NFATC1: variants seen among roughly 807,000 people sequenced by gnomAD.
NFATC1 encodes nuclear factor of activated T-cells, cytoplasmic 1.
In NFATC1, 22 loss-of-function variants were observed where a neutral mutation model predicts 76.0. The ratio of observed to expected loss-of-function variants is 0.29; its 90% CI spans 0.21 to 0.41. The LOEUF (loss-of-function observed/expected upper bound fraction) is 0.41. Among genes scored for constraint, NFATC1 ranks in the 10% least tolerant of loss-of-function variants. The probability of loss-of-function intolerance (pLI) is 1.00; values close to 1 mark genes in which losing one functional copy is unlikely to be tolerated. For missense variants in NFATC1, 1,357 were observed against 1,337.7 expected (o/e 1.01, Z -0.23); for synonymous variants, 704 against 613.1 (o/e 1.15, Z -2.19).
chr18:79,513,558 G>A (rs1047991273), intron 9 of NFATC1, among the ~76,000 whole-genome samples: 1 of 152,262 alleles, frequency 6.6e-6, no homozygotes, highest in Non-Finnish European at 1.5e-5. Context: ...GTGGTGGTGA[G>A]GGACACGTGC....
At position 79,483,662 on chromosome 18, in the gene NFATC1, A is replaced by G. The variant is rs571559533; in HGVS notation, c.2093-2586A>G. Among the ~76,000 whole-genome samples the G allele has an allele frequency of 2.6e-3, 295 of 113,668 alleles. 6 individuals carry two copies. The highest frequency in any genetic ancestry group is 3.9e-3 in the African/African-American group (109 of 27,626). The allele number at this position is 113,668 out of a possible 152,430, so 74.6% of individuals were successfully genotyped here. On this transcript the variant is annotated intron_variant, in intron 8 of 9. Coordinates refer to ENST00000427363, the MANE Select transcript of NFATC1 (RefSeq NM_001278669.2). The stretch of plus-strand genomic sequence containing the variant: ...TGACCTGGTCCTGGGGTGTAATTCC[A>G]GCGTGACCTTGTCCTGGGGTGTCAC...
chr18:79,441,060 C>T (rs2086956227), intron 3 of NFATC1, among the ~76,000 whole-genome samples: 1 of 152,250 alleles, frequency 6.6e-6, no homozygotes, highest in Non-Finnish European at 1.5e-5. Context: ...GGGAACAGCA[C>T]AGATGGCCCC....
chr18:79,506,102 A>G (rs1000776462), intron 9 of NFATC1, among the ~76,000 whole-genome samples: 15 of 152,200 alleles, frequency 9.9e-5, no homozygotes, highest in African/African-American at 3.4e-4. Flanking sequence ...GACCCTAGCA[A>G]TGCCACGTGC....
At chr18:79,447,863 GAGA>G (rs1270666698) in intron 3 of NFATC1, among the ~76,000 whole-genome samples, 2 of 152,278 alleles carry the variant, frequency 1.3e-5, no homozygotes, top group Admixed American at 6.5e-5. Context: ...GCGTGGTGCA[GAGA>G]AGGAGGGTGA....
Position 79,410,379 on chromosome 18 carries a change from C to T in NFATC1, c.128-24C>T. The T allele has an allele frequency of 6.3e-7, 1 of 1,581,498 alleles. No homozygotes were observed. The highest frequency in any genetic ancestry group is 8.6e-7 in the Non-Finnish European group (1 of 1,164,234). ...TTGTGATGCCCAGCCCCTCATGCTC[C>T]CATCTGCTTCTTTTTCTCTCTAGAA... On this transcript the variant is annotated intron_variant, in intron 1 of 9. Coordinates refer to ENST00000427363, the MANE Select transcript of NFATC1 (RefSeq NM_001278669.2). The surrounding 1 kb of genome is among the most constrained non-coding windows in gnomAD (Gnocchi z 6.7).
chr18:79,508,731 CTCCA>C (rs1184585745), intron 9 of NFATC1, among the ~76,000 whole-genome samples: 1 of 151,914 alleles, frequency 6.6e-6, no homozygotes, highest in Non-Finnish European at 1.5e-5. Context: ...CTGTCCCTCT[CTCCA>C]TCCATCTCTC....
chr18:79,414,272 G>C (rs964113268), intron 2 of NFATC1, among the ~76,000 whole-genome samples: 11 of 152,334 alleles, frequency 7.2e-5, no homozygotes, highest in African/African-American at 2.4e-4. Context: ...CTAGAAAGCT[G>C]TATTTTTAAT....
At chr18:79,459,981 A>G (rs73494248) in intron 6 of NFATC1, among the ~76,000 whole-genome samples, 6,274 of 152,226 alleles carry the variant, frequency 0.041, 422 homozygotes, top group African/African-American at 0.14. Context: ...TGAAACTCAG[A>G]TGGCTTCAAG....
intron 9 of NFATC1, among the ~76,000 whole-genome samples, chr18:79,522,960 G>A (rs929961236): frequency 1.3e-5 from 2 of 152,252 alleles, no homozygotes; most frequent in Non-Finnish European, 2.9e-5. Context: ...TCAGGGCCCA[G>A]CAGAGCCGGC....
At chr18:79,496,315 G>A (rs1257634618) in intron 9 of NFATC1, 1 of 152,468 alleles carries the variant, frequency 6.6e-6, no homozygotes, top group African/African-American at 2.4e-5. Flanking sequence ...ATGTCGCACT[G>A]ATGTGCTGGG....
chr18:79,421,332 A>G (rs60367979), intron 2 of NFATC1: 49,821 of 152,186 alleles, frequency 0.33, 8,589 homozygotes, highest in African/African-American at 0.42. Flanking sequence ...ACCTGGAATC[A>G]CGAGGAAATG....
At chr18:79,516,306 C>G (rs752483996) in intron 9 of NFATC1, among the ~76,000 whole-genome samples, 1 of 152,116 alleles carries the variant, frequency 6.6e-6, no homozygotes, top group Non-Finnish European at 1.5e-5. Context: ...GTGGCGGTGG[C>G]TTATTGCGAT....
chr18:79,459,112 C>G (rs980979546), intron 6 of NFATC1, among the ~76,000 whole-genome samples: 1 of 152,220 alleles, frequency 6.6e-6, no homozygotes, highest in Admixed American at 6.5e-5. Context: ...TTTGTCGGTT[C>G]CCCGCACTTT....
chr18:79,399,282 T>C (rs1281686838), intron 1 of NFATC1, among the ~76,000 whole-genome samples: 1 of 152,144 alleles, frequency 6.6e-6, no homozygotes, highest in Non-Finnish European at 1.5e-5. Flanking sequence ...AGTGAAAGGG[T>C]CGCGGGAGAA....
intron 2 of NFATC1, among the ~76,000 whole-genome samples, chr18:79,429,794 A>C (rs961010844): frequency 3.3e-5 from 5 of 152,378 alleles, no homozygotes; most frequent in South Asian, 2.1e-4. Context: ...GCTGTAAGCC[A>C]TGCACACACT....
At chr18:79,450,824 G>A in intron 4 of NFATC1, 130 bp from the exon 5 acceptor site, 1 of 1,167,952 alleles carries the variant, frequency 8.6e-7, no homozygotes, top group South Asian at 1.5e-5. Flanking sequence ...CCTTGGGGAA[G>A]GGGAGAGTGG....
chr18:79,476,148 CTGCGCTCTGGGACA>C (rs1569008917), intron 8 of NFATC1, among the ~76,000 whole-genome samples: 1 of 152,240 alleles, frequency 6.6e-6, no homozygotes, highest in African/African-American at 2.4e-5. Flanking sequence ...GCCAGGAAGC[CTGCGCTCTGGGACA>C]TGCGTGGGGC....
At chr18:79,446,382 G>A (rs1568971891) in intron 3 of NFATC1, among the ~76,000 whole-genome samples, 1 of 152,090 alleles carries the variant, frequency 6.6e-6, no homozygotes, top group Non-Finnish European at 1.5e-5. Context: ...AGCTGCCCCG[G>A]TGCCCCTCCC....
At chr18:79,400,230 T>C in intron 1 of NFATC1, 1 of 1,198,552 alleles carries the variant, frequency 8.3e-7, no homozygotes, top group Non-Finnish European at 1.0e-6. Flanking sequence ...GCGAGCCGGT[T>C]GTTTATGTAA....
Sources: allele counts gnomAD v4.1 joint callset (sites outside exome capture counted in the v4.1 genomes callset), GRCh38; gene constraint gnomAD v4.1.1; non-coding constraint Gnocchi (gnomAD v3.1); transcripts MANE v1.5; gene names NCBI Gene and HGNC (gene_info 2026-07-23, HGNC 2026-07-21).